AIG1: variants seen among roughly 807,000 people sequenced by gnomAD.
AIG1 encodes the protein androgen-induced gene 1 protein.
Under a neutral mutation model 31.4 loss-of-function variants are expected in AIG1, and 23 were observed. That is an observed-to-expected ratio of 0.73 (90% CI 0.53 to 1.04). AIG1 has a LOEUF of 1.04. Among genes scored for constraint, AIG1 ranks in the 50% least tolerant of loss-of-function variants. The pLI is 0.00. For missense variants in AIG1, 274 were observed against 295.0 expected (o/e 0.93, Z 0.52); for synonymous variants, 100 against 110.5 (o/e 0.90, Z 0.60).
intron 3 of AIG1, among the ~76,000 whole-genome samples, chr6:143,260,260 G>A (rs912027891): frequency 2.6e-5 from 4 of 151,980 alleles, no homozygotes; most frequent in Non-Finnish European, 2.9e-5. Flanking sequence ...ATCCGCCCGC[G>A]TCGGCCTCCT....
At chr6:143,314,184 T>TAAAAAAAAA (rs35691634) in intron 4 of AIG1, among the ~76,000 whole-genome samples, 19 of 90,612 alleles carry the variant, frequency 2.1e-4, no homozygotes, top group African/African-American at 8.4e-4. Flanking sequence ...ACCCATCTCT[T>TAAAAAAAAA]AAAAAAAAAA....
intron 5 of AIG1, 37 bp from the exon 6 acceptor site, chr6:143,339,602 C>T (rs760391928): frequency 5.0e-6 from 8 of 1,606,424 alleles, no homozygotes; most frequent in Non-Finnish European, 6.8e-6. Context: ...GTGGTTTAAT[C>T]TGATGCTCAA....
At chr6:143,177,856 G>A (rs984164413) in intron 3 of AIG1, among the ~76,000 whole-genome samples, 2 of 152,196 alleles carry the variant, frequency 1.3e-5, no homozygotes, top group Non-Finnish European at 2.9e-5. Context: ...AAACCGATCT[G>A]CTGCTGGAGG....
intron 3 of AIG1, among the ~76,000 whole-genome samples, chr6:143,239,822 A>C (rs1169116204): frequency 1.3e-5 from 2 of 152,080 alleles, no homozygotes; most frequent in African/African-American, 4.8e-5. Context: ...GACAATTAGA[A>C]CTCATCTCAT....
intron 1 of AIG1, among the ~76,000 whole-genome samples, chr6:143,109,153 G>A (rs1781059999): frequency 6.6e-6 from 1 of 152,092 alleles, no homozygotes; most frequent in South Asian, 2.1e-4. Context: ...GTGTGCGTCT[G>A]TGAGGTTCAT....
At position 143,284,376 on chromosome 6, in the gene AIG1, T is replaced by G. The variant is rs1053483083; in HGVS notation, c.515+151T>G. On this transcript the variant is annotated intron_variant, in intron 4 of 5. Coordinates refer to ENST00000357847, the MANE Select transcript of AIG1 (RefSeq NM_016108.4). This position sits in a 1 kb window ranked among gnomAD's most constrained non-coding sequence, Gnocchi z 4.4. ...CTGGGCTTTGTCTCGTTTCCCCAGA[T>G]GCTTATATTTTTAGAAAGTATATGC... 3 of 578,288 alleles carry G rather than the reference T, an allele frequency of 5.2e-6. No homozygotes were observed. Among genetic ancestry groups the G allele is most frequent in the African/African-American group, 1.9e-5 (1 of 53,108 alleles). 35.8% of individuals were successfully genotyped at this position (578,288 alleles called of 1,614,324 possible).
intron 1 of AIG1, among the ~76,000 whole-genome samples, chr6:143,076,571 A>C (rs1197442375): frequency 6.6e-6 from 1 of 152,160 alleles, no homozygotes; most frequent in Non-Finnish European, 1.5e-5. Context: ...GTAATTATTA[A>C]AATAGTTGGA....
At chr6:143,312,591 C>G (rs1775384083) in intron 4 of AIG1, among the ~76,000 whole-genome samples, 1 of 151,996 alleles carries the variant, frequency 6.6e-6, no homozygotes, top group Non-Finnish European at 1.5e-5. Flanking sequence ...TCTAATACCT[C>G]AAACTATGAA....
At chr6:143,061,365 C>A in intron 1 of AIG1, 1 of 529,404 alleles carries the variant, frequency 1.9e-6, no homozygotes, top group Non-Finnish European at 3.7e-6. Flanking sequence ...GGACACCGAA[C>A]TGCTTCTAAG....
At position 143,126,229 on chromosome 6, in the gene AIG1, G is replaced by A. The variant is rs1230182744; in HGVS notation, c.142-10606G>A. ...CGTCTCTGGATGAGGGAGGTAGAGAGAGCCTGTGGTTCTTTTAAATGCATT... is the reference window on the plus strand; with the variant it reads ...CGTCTCTGGATGAGGGAGGTAGAGAAAGCCTGTGGTTCTTTTAAATGCATT... On this transcript the variant is annotated intron_variant, in intron 1 of 5. Coordinates refer to ENST00000357847, the MANE Select transcript of AIG1 (RefSeq NM_016108.4). 1.3e-5 allele frequency: 2 copies of A among 152,216 alleles called. 1 individual carries two copies. Among genetic ancestry groups the A allele is most frequent in the East Asian group, 3.9e-4 (2 of 5,194 alleles). 9.4% of individuals were successfully genotyped at this position (152,216 alleles called of 1,614,324 possible).
intron 2 of AIG1, among the ~76,000 whole-genome samples, chr6:143,157,873 T>C (rs1785951651): frequency 6.6e-6 from 1 of 152,214 alleles, no homozygotes; most frequent in Non-Finnish European, 1.5e-5. Context: ...TTCCTCTCTA[T>C]GTTTTTTGTG....
rs145724879 is a variant in AIG1, at chr6:143,295,339, A to T, written c.515+11114A>T. On this transcript the variant is annotated intron_variant, in intron 4 of 5. Transcript: ENST00000357847. ...TCCCAGAGTAATCTTTTATAAACAA[A>T]TGTCATCATGCTACTCCCTTGCTCC... 4.8e-3 allele frequency among the ~76,000 whole-genome samples: 724 copies of T among 152,260 alleles called. 2 individuals carry two copies. The highest frequency in any genetic ancestry group is 0.017 in the African/African-American group (688 of 41,528).
intron 2 of AIG1, among the ~76,000 whole-genome samples, chr6:143,149,720 A>G: frequency 6.6e-6 from 1 of 152,262 alleles, no homozygotes; most frequent in East Asian, 1.9e-4. Context: ...GTTTTACGGA[A>G]CAGCTTGCAA....
In AIG1 at chr6:143,279,303, A is replaced by G. The variant is rs991169596; in HGVS notation, c.400-4807A>G. Among the ~76,000 whole-genome samples the G allele has an allele frequency of 6.6e-6, 1 of 152,180 alleles. No homozygotes were observed. Among genetic ancestry groups the G allele is most frequent in the Admixed American group, 6.5e-5 (1 of 15,282 alleles). On this transcript the variant is annotated intron_variant, in intron 3 of 5. Coordinates refer to ENST00000357847, the MANE Select transcript of AIG1 (RefSeq NM_016108.4). The surrounding 1 kb of genome is among the most constrained non-coding windows in gnomAD (Gnocchi z 5.4). The stretch of plus-strand genomic sequence containing the variant: ...AACTCATTAGCTCTTCAGGAGAAGC[A>G]CTAATTTAATCCAACTGCCTCATTT...
chr6:143,342,519 C>G, downstream of AIG1: 1 of 808,768 alleles, frequency 1.2e-6, no homozygotes, highest in Non-Finnish European at 2.2e-6. Flanking sequence ...TTATCTTTCT[C>G]CCTATCCTAT....
intron 3 of AIG1, among the ~76,000 whole-genome samples, chr6:143,282,568 T>TA (rs1044196902): frequency 1.3e-5 from 2 of 152,120 alleles, no homozygotes; most frequent in East Asian, 1.9e-4. Flanking sequence ...TATACTGTTT[T>TA]AAAAAAATAG....
intron 3 of AIG1, chr6:143,190,398 T>C: frequency 1.0e-6 from 1 of 982,012 alleles, no homozygotes; most frequent in South Asian, 4.7e-5. Flanking sequence ...TTTCTTCTCC[T>C]GGTGATATTT....
At chr6:143,281,578 T>A (rs1359117038) in intron 3 of AIG1, among the ~76,000 whole-genome samples, 1 of 152,240 alleles carries the variant, frequency 6.6e-6, no homozygotes, top group East Asian at 1.9e-4. Flanking sequence ...CTGCTAAAGG[T>A]TACTTATTCA....
chr6:143,107,708 G>A (rs1037232465), intron 1 of AIG1, among the ~76,000 whole-genome samples: 1 of 152,218 alleles, frequency 6.6e-6, no homozygotes, highest in Non-Finnish European at 1.5e-5. Context: ...TTCTAGGTCA[G>A]AGGTGGAAGG....
Sources: gnomAD v4.1 joint callset for allele counts (sites outside exome capture counted in the v4.1 genomes callset) on GRCh38, gnomAD v4.1.1 for gene constraint, Gnocchi (gnomAD v3.1) non-coding constraint, MANE v1.5 for transcripts, NCBI Gene and HGNC (gene_info 2026-07-23, HGNC 2026-07-21) for gene names.